SNX29: variants seen among roughly 807,000 people sequenced by gnomAD.
SNX29 encodes sorting nexin 29, also known as sorting nexin-29.
In SNX29, 78 loss-of-function variants were observed where a neutral mutation model predicts 102.1. The ratio of observed to expected loss-of-function variants is 0.76; its 90% CI spans 0.64 to 0.92. SNX29 has a LOEUF of 0.92. SNX29 is among the 40% of genes least tolerant of loss of function. The pLI is 0.00. For missense variants in SNX29, 1,280 were observed against 1,061.7 expected, an observed-to-expected ratio of 1.21 and a Z score of -2.86; for synonymous variants, 580 against 414.5, an observed-to-expected ratio of 1.40 and a Z score of -4.85.
intron 20 of SNX29, among the ~76,000 whole-genome samples, chr16:12,525,698 ACCC>A (rs34182279): frequency 3.5e-5 from 2 of 57,068 alleles, no homozygotes; most frequent in African/African-American, 9.8e-5. Flanking sequence ...CGCCCCCCCC[ACCC>A]CCCCCCCCAA....
At chr16:12,531,893 TCTC>T (rs1040304065) in intron 20 of SNX29, among the ~76,000 whole-genome samples, 4 of 152,106 alleles carry the variant, frequency 2.6e-5, no homozygotes, top group Non-Finnish European at 5.9e-5. Flanking sequence ...ATGTATGTCT[TCTC>T]CCCTCTCACG....
At chr16:12,487,649 G>T (rs563292371) in intron 19 of SNX29, among the ~76,000 whole-genome samples, 1 of 152,240 alleles carries the variant, frequency 6.6e-6, no homozygotes, top group African/African-American at 2.4e-5. Flanking sequence ...GGTTTCAGCC[G>T]TAAAGTTCGT....
intron 19 of SNX29, among the ~76,000 whole-genome samples, chr16:12,481,449 T>C (rs553512236): frequency 7.7e-5 from 8 of 103,488 alleles, no homozygotes; most frequent in Admixed American, 4.7e-4. Flanking sequence ...TACACACACA[T>C]ATATACATAT....
chr16:12,386,456 GC>G (rs1246064645), intron 16 of SNX29, among the ~76,000 whole-genome samples: 2 of 152,186 alleles, frequency 1.3e-5, no homozygotes, highest in East Asian at 3.9e-4. Flanking sequence ...CTAGGAGGAG[GC>G]AATTCGCAAT....
intron 18 of SNX29, among the ~76,000 whole-genome samples, chr16:12,451,931 T>A (rs2151717667): frequency 6.6e-6 from 1 of 152,322 alleles, no homozygotes; most frequent in South Asian, 2.1e-4. Flanking sequence ...GTTCTCTCTT[T>A]CTTAAAATAA....
Position 12,499,114 on chromosome 16 carries a change from G to GT in SNX29, c.2178+21256dup, listed in dbSNP as rs34720432. On this transcript the variant is annotated intron_variant, in intron 19 of 20. Transcript: ENST00000566228. ...CCTCCGCTCATTCCCTCCTCCTGCA[G>GT]TGGGAAATCGCAGTAGAAGGCACAA... Among the ~76,000 whole-genome samples the GT allele has an allele frequency of 3.2e-3, 494 of 152,248 alleles. 3 individuals are homozygous for GT. Among genetic ancestry groups the GT allele is most frequent in the Non-Finnish European group, 5.1e-3 (344 of 68,026 alleles).
chr16:12,260,235 T>A (rs1466488857), intron 14 of SNX29, among the ~76,000 whole-genome samples: 1 of 152,262 alleles, frequency 6.6e-6, no homozygotes, highest in South Asian at 2.1e-4. Context: ...AGTCCTCTTC[T>A]GCTGGTGCTA....
intron 3 of SNX29, among the ~76,000 whole-genome samples, chr16:12,016,152 A>G (rs1596599771): frequency 6.6e-6 from 1 of 152,150 alleles, no homozygotes; most frequent in East Asian, 1.9e-4. Flanking sequence ...GGTGGGAGCC[A>G]CTGCCCCCGC....
At chr16:12,478,047 A>ATG (rs1464152173) in intron 19 of SNX29, among the ~76,000 whole-genome samples, 188 bp downstream of exon 19, 1 of 152,226 alleles carries the variant, frequency 6.6e-6, no homozygotes, top group African/African-American at 2.4e-5. Flanking sequence ...CCATTACGTC[A>ATG]TGTGTGTGTG....
At chr16:12,108,467 C>G (rs1459460096) in intron 11 of SNX29, among the ~76,000 whole-genome samples, 1 of 152,172 alleles carries the variant, frequency 6.6e-6, no homozygotes, top group East Asian at 1.9e-4. Context: ...GGTTCTGGCT[C>G]CAGACTTGAA....
chr16:12,076,193 A>G (rs1292257259), intron 10 of SNX29, among the ~76,000 whole-genome samples: 3 of 151,994 alleles, frequency 2.0e-5, no homozygotes, highest in East Asian at 1.9e-4. Context: ...CTCCGTAGTG[A>G]GATGAACCCA....
intron 14 of SNX29, among the ~76,000 whole-genome samples, chr16:12,254,508 G>A (rs2078511233): frequency 6.6e-6 from 1 of 152,076 alleles, no homozygotes; most frequent in Non-Finnish European, 1.5e-5. Flanking sequence ...AGGCGTGGTG[G>A]TGCGCACCTG....
At chr16:12,512,995 C>A (rs1208500848) in intron 19 of SNX29, among the ~76,000 whole-genome samples, 1 of 152,092 alleles carries the variant, frequency 6.6e-6, no homozygotes, top group Non-Finnish European at 1.5e-5. Context: ...CTTGTCCCCC[C>A]AGAGGGCAGT....
intron 15 of SNX29, among the ~76,000 whole-genome samples, chr16:12,338,121 G>A (rs1421832083): frequency 6.6e-6 from 1 of 152,222 alleles, no homozygotes; most frequent in South Asian, 2.1e-4. Context: ...TGGGTCATCA[G>A]TGTTTTCTGG....
At chr16:12,314,281 G>A (rs1411991492) in intron 15 of SNX29, among the ~76,000 whole-genome samples, 1 of 152,254 alleles carries the variant, frequency 6.6e-6, no homozygotes, top group Non-Finnish European at 1.5e-5. Flanking sequence ...TTACAGGCAT[G>A]AGCCACTGTA....
chr16:12,375,274 G>A (rs1435810878), intron 16 of SNX29: 1 of 152,222 alleles, frequency 6.6e-6, no homozygotes, highest in African/African-American at 2.4e-5. Flanking sequence ...AGTGCAAACA[G>A]CAGAAATAGC....
At chr16:12,258,524 A>G (rs555028006) in intron 14 of SNX29, among the ~76,000 whole-genome samples, 21 of 152,162 alleles carry the variant, frequency 1.4e-4, no homozygotes, top group African/African-American at 4.3e-4. Context: ...ACTCCCGGAA[A>G]TTCTCCTTAC....
At chr16:12,480,461 C>T (rs1241274625) in intron 19 of SNX29, among the ~76,000 whole-genome samples, 3 of 152,216 alleles carry the variant, frequency 2.0e-5, no homozygotes, top group Admixed American at 2.0e-4. Context: ...CCTGTGATCA[C>T]ACTGGGCTCA....
intron 14 of SNX29, among the ~76,000 whole-genome samples, chr16:12,257,444 A>G (rs114105700): frequency 2.9e-3 from 434 of 152,276 alleles, no homozygotes; most frequent in African/African-American, 9.2e-3. Flanking sequence ...GCAGCAACAT[A>G]TTCACAGCAT....
Sources: allele counts gnomAD v4.1 joint callset (sites outside exome capture counted in the v4.1 genomes callset), GRCh38; gene constraint gnomAD v4.1.1; transcripts MANE v1.5; gene names NCBI Gene and HGNC (gene_info 2026-07-23, HGNC 2026-07-21).